The following CCDC171 variants were observed in gnomAD, a reference collection of about 807,000 sequenced individuals.
CCDC171 encodes the protein coiled-coil domain containing 171.
In CCDC171, 177 loss-of-function variants were observed where a neutral mutation model predicts 168.2. The ratio of observed to expected loss-of-function variants is 1.05; its 90% CI spans 0.93 to 1.19. The LOEUF is 1.19. Ranked by LOEUF, CCDC171 falls within the 50% of genes most tolerant of loss-of-function variation. The probability of loss-of-function intolerance (pLI) is 0.00; values close to 1 mark genes in which losing one functional copy is unlikely to be tolerated. For missense variants in CCDC171, 1,991 were observed against 1,539.0 expected (o/e 1.29, Z -4.91); for synonymous variants, 687 against 540.8 (o/e 1.27, Z -3.75).
chr9:15,646,841 A>G (rs1244454796), intron 7 of CCDC171, among the ~76,000 whole-genome samples: 2 of 152,298 alleles, frequency 1.3e-5, no homozygotes, highest in East Asian at 3.9e-4. Context: ...AGACAGATCA[A>G]CTGGACAGAA....
intron 8 of CCDC171, among the ~76,000 whole-genome samples, chr9:15,664,531 G>A (rs1281196880): frequency 7.3e-6 from 1 of 136,250 alleles, no homozygotes; most frequent in Non-Finnish European, 1.5e-5. Flanking sequence ...TTACAGGCAT[G>A]AGCCACTGTG....
At chr9:15,736,507 G>C (rs556216403) in intron 16 of CCDC171, among the ~76,000 whole-genome samples, 2 of 151,886 alleles carry the variant, frequency 1.3e-5, no homozygotes, top group East Asian at 3.9e-4. Flanking sequence ...ACGCCACCAT[G>C]CTCTGCTGAT....
At chr9:15,874,750 T>C (rs1394649857) in intron 24 of CCDC171, 87 bp downstream of exon 24, 3 of 1,275,210 alleles carry the variant, frequency 2.4e-6, no homozygotes, top group Non-Finnish European at 2.1e-6. Context: ...CTCAAAGTAT[T>C]GTGAATAATT....
intron 10 of CCDC171, among the ~76,000 whole-genome samples, chr9:15,690,246 T>A (rs2050694530): frequency 6.6e-6 from 1 of 152,154 alleles, no homozygotes; most frequent in Non-Finnish European, 1.5e-5. Flanking sequence ...ACACTTTAAT[T>A]GGGTGAGCTG....
chr9:15,830,853 G>T (rs1230568020), intron 21 of CCDC171, among the ~76,000 whole-genome samples: 2 of 151,870 alleles, frequency 1.3e-5, no homozygotes, highest in Non-Finnish European at 2.9e-5. Flanking sequence ...TGAACATAGA[G>T]ACCCTGTTGA....
intron 10 of CCDC171, among the ~76,000 whole-genome samples, chr9:15,688,392 A>T (rs6474947): frequency 0.94 from 142,271 of 152,156 alleles, 66,615 homozygotes; most frequent in East Asian, 1. Flanking sequence ...TATTACCTTG[A>T]TACAAAAACC....
intron 24 of CCDC171, among the ~76,000 whole-genome samples, chr9:15,917,205 A>G (rs1202189747): frequency 6.6e-6 from 1 of 151,924 alleles, no homozygotes; most frequent in Admixed American, 6.6e-5. Context: ...TTATTCTTCA[A>G]AGGATATGTG....
At position 15,640,514 on chromosome 9, in the gene CCDC171, G is replaced by A. The variant is rs1260271650; in HGVS notation, c.823-16613G>A. Among the ~76,000 whole-genome samples the A allele has an allele frequency of 2.0e-5, 3 of 152,052 alleles. No homozygotes were observed. In the East Asian group the frequency reaches 5.8e-4, roughly 29 times the overall value. On this transcript the variant is annotated intron_variant, in intron 7 of 25. Coordinates refer to ENST00000380701, the MANE Select transcript of CCDC171 (RefSeq NM_173550.4). Reference sequence around the variant, plus strand: ...AAAAGTCAAATGAGAACATACACGAGAGTTCTTTGAAAACTGTAGCATATT... The same window carrying A: ...AAAAGTCAAATGAGAACATACACGAAAGTTCTTTGAAAACTGTAGCATATT...
intron 25 of CCDC171, among the ~76,000 whole-genome samples, chr9:15,954,920 A>G (rs565400966): frequency 4.6e-5 from 7 of 151,968 alleles, no homozygotes; most frequent in African/African-American, 1.2e-4. Flanking sequence ...CCTGCCATCA[A>G]ATCTTCTTCA....
chr9:15,970,044 T>A (rs1412641950), intron 25 of CCDC171, among the ~76,000 whole-genome samples: 1 of 152,206 alleles, frequency 6.6e-6, no homozygotes, highest in African/African-American at 2.4e-5. Context: ...TAGAGCTATT[T>A]CAAGTGACCA....
At chr9:15,555,090 G>A (rs2038679894) in intron 1 of CCDC171, among the ~76,000 whole-genome samples, 1 of 152,094 alleles carries the variant, frequency 6.6e-6, no homozygotes, top group African/African-American at 2.4e-5. Context: ...TAGTGGCTCC[G>A]AAATCTAAAG....
At chr9:15,768,433 T>A (rs1354588091) in intron 18 of CCDC171, among the ~76,000 whole-genome samples, 1 of 152,198 alleles carries the variant, frequency 6.6e-6, no homozygotes, top group Non-Finnish European at 1.5e-5. Context: ...GCTCATTTTT[T>A]ACATGTGTTA....
intron 12 of CCDC171, 77 bp downstream of exon 12, chr9:15,721,952 G>A (rs951345426): frequency 3.3e-6 from 2 of 612,822 alleles, no homozygotes; most frequent in Non-Finnish European, 5.1e-6. Flanking sequence ...TGTTACAAAG[G>A]TCAAAAAGAT....
chr9:15,626,749 C>T (rs1361442257), intron 7 of CCDC171, among the ~76,000 whole-genome samples: 3 of 152,190 alleles, frequency 2.0e-5, no homozygotes, highest in African/African-American at 7.2e-5. Context: ...CATCAATGTT[C>T]ATCAGGGATA....
chr9:15,893,800 G>A (rs146263832), intron 24 of CCDC171, among the ~76,000 whole-genome samples: 226 of 152,252 alleles, frequency 1.5e-3, no homozygotes, highest in African/African-American at 5.0e-3. Context: ...TGAGGTCGTG[G>A]AGAAAAAGGA....
intron 6 of CCDC171, among the ~76,000 whole-genome samples, chr9:15,605,067 T>A (rs2043122396): frequency 6.6e-6 from 1 of 152,122 alleles, no homozygotes; most frequent in African/African-American, 2.4e-5. Context: ...GGTTAATTTT[T>A]AAAATTTTTG....
chr9:15,954,354 A>G (rs1205324459), intron 25 of CCDC171, among the ~76,000 whole-genome samples: 1 of 151,992 alleles, frequency 6.6e-6, no homozygotes, highest in East Asian at 1.9e-4. Flanking sequence ...ACTGCATCTC[A>G]TAAGTTTTGA....
chr9:15,865,849 CGTGTGT>C (rs71325944), intron 23 of CCDC171, among the ~76,000 whole-genome samples: 152 of 146,870 alleles, frequency 1.0e-3, no homozygotes, highest in Middle Eastern at 7.2e-3. Context: ...ACTCTGCGTG[CGTGTGT>C]GTGTGTGTGT....
the CCDC171 span, among the ~76,000 whole-genome samples, chr9:16,074,516 A>T: frequency 2.0e-5 from 3 of 152,290 alleles, no homozygotes; most frequent in South Asian, 2.1e-4. Flanking sequence ...ACCACCACAG[A>T]CACTGTTCTT....
Sources: gnomAD v4.1 joint callset for allele counts (sites outside exome capture counted in the v4.1 genomes callset) on GRCh38, gnomAD v4.1.1 for gene constraint, MANE v1.5 for transcripts, NCBI Gene and HGNC (gene_info 2026-07-23, HGNC 2026-07-21) for gene names.